RPGRIP1L: variants seen among roughly 807,000 people sequenced by gnomAD.
The protein encoded by RPGRIP1L is protein fantom.
RPGRIP1L carries 131 observed loss-of-function variants against 160.4 expected under a neutral mutation model. That is an observed-to-expected ratio of 0.82 (90% CI 0.71 to 0.94). The LOEUF is 0.94. Among genes scored for constraint, RPGRIP1L ranks in the 40% least tolerant of loss-of-function variants. The pLI is 0.00. For missense variants in RPGRIP1L, 1,522 were observed against 1,535.8 expected (o/e 0.99, Z 0.15); for synonymous variants, 510 against 515.8 (o/e 0.99, Z 0.15).
chr16:53,653,823 TGCTAAAG>T (rs1381664540), intron 14 of RPGRIP1L, among the ~76,000 whole-genome samples: 3 of 152,258 alleles, frequency 2.0e-5, no homozygotes, highest in African/African-American at 7.2e-5. Flanking sequence ...ATTATTAATA[TGCTAAAG>T]GCTTCCATAT....
intron 26 of RPGRIP1L, among the ~76,000 whole-genome samples, chr16:53,603,161 T>G (rs1757452426): frequency 6.6e-6 from 1 of 152,196 alleles, no homozygotes; most frequent in South Asian, 2.1e-4. Flanking sequence ...ACTATTTGGC[T>G]GGAGCCATGG....
chr16:53,653,407 C>T (rs1256914614), intron 14 of RPGRIP1L: 19 of 924,880 alleles, frequency 2.1e-5, no homozygotes, highest in East Asian at 2.1e-4. Context: ...TTTTCTTCTT[C>T]GTGGGGTGAT....
chr16:53,696,332 T>C (rs1970756260), intron 2 of RPGRIP1L, 37 bp from the exon 3 acceptor site: 4 of 1,608,234 alleles, frequency 2.5e-6, no homozygotes, highest in Non-Finnish European at 3.4e-6. Context: ...GTGAGGTTAC[T>C]TAAAATAGTC....
At chr16:53,644,769 A>T (rs951615253) in intron 17 of RPGRIP1L, among the ~76,000 whole-genome samples, 6 of 152,216 alleles carry the variant, frequency 3.9e-5, no homozygotes, top group Non-Finnish European at 7.3e-5. Context: ...ACATTCCCAG[A>T]TAACAGAATC....
chr16:53,638,250 A>C, intron 20 of RPGRIP1L, 60 bp downstream of exon 20: 1 of 1,003,394 alleles, frequency 1.0e-6, no homozygotes. Flanking sequence ...AAAACTTATA[A>C]GACAAAGTAT....
At chr16:53,603,382 G>A (rs867183326) in intron 26 of RPGRIP1L, among the ~76,000 whole-genome samples, 1 of 152,206 alleles carries the variant, frequency 6.6e-6, no homozygotes, top group Admixed American at 6.5e-5. Flanking sequence ...AGGCTGGAGT[G>A]CAGTGGTGCA....
intron 22 of RPGRIP1L, among the ~76,000 whole-genome samples, chr16:53,625,294 C>A (rs1307703952): frequency 6.6e-6 from 1 of 150,770 alleles, no homozygotes; most frequent in Non-Finnish European, 1.5e-5. Flanking sequence ...TCTCTGCCAG[C>A]CGCCCATCGT....
chr16:53,698,107 G>A (rs1348517063), intron 2 of RPGRIP1L, among the ~76,000 whole-genome samples: 2 of 151,482 alleles, frequency 1.3e-5, no homozygotes, highest in African/African-American at 4.9e-5. Flanking sequence ...TCTGAGAAGG[G>A]AGGAGACCCT....
chr16:53,672,502 C>T (rs530523781), intron 8 of RPGRIP1L, among the ~76,000 whole-genome samples: 1 of 152,234 alleles, frequency 6.6e-6, no homozygotes, highest in Non-Finnish European at 1.5e-5. Flanking sequence ...AATACAACAG[C>T]CATCTCCTCA....
chr16:53,697,721 C>T (rs1476262016), intron 2 of RPGRIP1L, among the ~76,000 whole-genome samples: 1 of 152,106 alleles, frequency 6.6e-6, no homozygotes, highest in African/African-American at 2.4e-5. Context: ...ACAACCTCCA[C>T]CTCCCAGCCG....
At chr16:53,697,987 A>G (rs1970947020) in intron 2 of RPGRIP1L, among the ~76,000 whole-genome samples, 1 of 146,906 alleles carries the variant, frequency 6.8e-6, no homozygotes, top group Non-Finnish European at 1.5e-5. Flanking sequence ...CCATCGTCTG[A>G]GATGTGGGGA....
chr16:53,647,987 C>T (rs1469213896), intron 16 of RPGRIP1L, among the ~76,000 whole-genome samples: 2 of 151,644 alleles, frequency 1.3e-5, no homozygotes, highest in African/African-American at 2.4e-5. Flanking sequence ...TGCCTGTAGC[C>T]TCAGCTACTT....
At position 53,641,351 on chromosome 16, in the gene RPGRIP1L, A is replaced by C; in HGVS notation, c.2808T>G (p.Ile936Met). Residue 936 changes from isoleucine (I) to methionine (M), a missense_variant, in exon 18 of 27, where the codon ATT becomes ATG. Ile to Met is a conservative substitution (Grantham distance 10). Coordinates refer to ENST00000647211, the MANE Select transcript of RPGRIP1L (RefSeq NM_015272.5). ...SITTEDLGNFIRSEEPEVVQR... is the reference protein window; with the variant it reads ...SITTEDLGNFMRSEEPEVVQR... ...GAACAACTTCTGGCTCTTCGCTGCG[A>C]ATGAAATTTCCTAAGTCTTCAGTTG... 1 of 1,614,114 alleles carries C rather than the reference A, an allele frequency of 6.2e-7. No individual in the cohort carries two copies.
rs1409067252 is a variant in RPGRIP1L, at chr16:53,645,656, C to G, written c.2652G>C (p.Leu884=). 1 of 1,613,922 alleles carries G rather than the reference C, an allele frequency of 6.2e-7. No homozygotes were observed. The highest frequency in any genetic ancestry group is 8.5e-7 in the Non-Finnish European group (1 of 1,179,968). ...NIYIGKVNVP[L]ISLAHDRCIS... is the part of the protein sequence containing the mutation. ...TACACCTGTCATGTGCCAACGAAAT[C>G]AGAGGCACATTGACTTTTCCTATGT... The change falls in exon 17 of 27, where the codon CTG becomes CTC. Residue 884 remains leucine, a synonymous_variant. Coordinates refer to ENST00000647211, the MANE Select transcript of RPGRIP1L (RefSeq NM_015272.5).
intron 2 of RPGRIP1L, among the ~76,000 whole-genome samples, chr16:53,697,018 A>AC (rs1471771980): frequency 6.6e-6 from 1 of 151,832 alleles, no homozygotes; most frequent in African/African-American, 2.4e-5. Context: ...ACATGGTGAA[A>AC]CCCCGTCTCT....
intron 5 of RPGRIP1L, among the ~76,000 whole-genome samples, chr16:53,687,000 T>G (rs189141960): frequency 6.6e-6 from 1 of 152,130 alleles, no homozygotes; most frequent in African/African-American, 2.4e-5. Flanking sequence ...GTCTCTGGCA[T>G]GCATTTATCT....
chr16:53,606,928 A>T (rs972528644), intron 25 of RPGRIP1L, among the ~76,000 whole-genome samples: 2 of 152,114 alleles, frequency 1.3e-5, no homozygotes, highest in Admixed American at 1.3e-4. Context: ...ATAAATTTTT[A>T]TTAGAAAATA....
rs1386334644 is a variant in RPGRIP1L, at chr16:53,692,065, C to T, written c.529+1G>A. ...TAGATTTAACGTAAGCTTTGTTTTA[C>T]CTTTCCTGGGGCATTCCTGTAAACC... is the stretch of plus-strand genomic sequence containing the variant. On this transcript the variant is annotated splice_donor_variant, in intron 4 of 26. Transcript: ENST00000647211. LOFTEE classifies it high-confidence loss of function. 1.2e-6 allele frequency: 2 copies of T among 1,613,776 alleles called. No homozygotes were observed. The highest frequency in any genetic ancestry group is 2.2e-5 in the South Asian group (2 of 91,076).
At chr16:53,689,421 C>G (rs1312983661) in intron 4 of RPGRIP1L, among the ~76,000 whole-genome samples, 4 of 152,156 alleles carry the variant, frequency 2.6e-5, no homozygotes, top group Non-Finnish European at 2.9e-5. Context: ...CTCTTCCCAG[C>G]CTCTAGTAAC....
Sources: gnomAD v4.1 joint callset for allele counts (sites outside exome capture counted in the v4.1 genomes callset) on GRCh38, gnomAD v4.1.1 for gene constraint, MANE v1.5 for transcripts, NCBI Gene and HGNC (gene_info 2026-07-23, HGNC 2026-07-21) for gene names.